BACH2: variants seen among roughly 807,000 people sequenced by gnomAD.
BACH2 encodes the protein transcription regulator protein BACH2.
Under a neutral mutation model 61.8 loss-of-function variants are expected in BACH2, and 5 were observed. The ratio of observed to expected loss-of-function variants is 0.08; its 90% CI spans 0.04 to 0.17. The LOEUF (loss-of-function observed/expected upper bound fraction) is 0.17, where lower values mean the gene tolerates loss of function less well. BACH2 is among the 10% of genes least tolerant of loss of function. BACH2 has a pLI of 1.00. For synonymous variants in BACH2, 446 were observed against 440.1 expected (o/e 1.01, Z -0.17); for missense variants, 824 against 1,091.1 (o/e 0.76, Z 3.45).
chr6:90,294,296 T>C (rs540538906), intron 1 of BACH2, among the ~76,000 whole-genome samples: 1 of 152,228 alleles, frequency 6.6e-6, no homozygotes, highest in Admixed American at 6.5e-5. Context: ...AAAACGAAAA[T>C]ACGGCTCTGC....
At chr6:89,941,672 C>T (rs1324696462) in intron 7 of BACH2, among the ~76,000 whole-genome samples, 2 of 152,206 alleles carry the variant, frequency 1.3e-5, no homozygotes, top group Non-Finnish European at 2.9e-5. Flanking sequence ...ACACAGAGGT[C>T]TGTCTGTTGG....
At chr6:89,949,269 G>A (rs1371117091) in intron 7 of BACH2, among the ~76,000 whole-genome samples, 2 of 152,190 alleles carry the variant, frequency 1.3e-5, no homozygotes, top group East Asian at 3.8e-4. Flanking sequence ...GCTCTGAGAA[G>A]GGACTTGTCA....
chr6:89,944,029 C>A (rs1773589666), intron 7 of BACH2, among the ~76,000 whole-genome samples: 1 of 152,234 alleles, frequency 6.6e-6, no homozygotes, highest in Non-Finnish European at 1.5e-5. Flanking sequence ...GACAAAATCT[C>A]CCCTCCCAGG....
At chr6:90,293,604 A>G (rs1460277128) in intron 1 of BACH2, among the ~76,000 whole-genome samples, 1 of 152,196 alleles carries the variant, frequency 6.6e-6, no homozygotes, top group African/African-American at 2.4e-5. Context: ...GAACCTGACC[A>G]TCTGGCCCTC....
chr6:90,082,839 G>A (rs1247304857), intron 5 of BACH2, among the ~76,000 whole-genome samples: 1 of 152,170 alleles, frequency 6.6e-6, no homozygotes, highest in African/African-American at 2.4e-5. Context: ...GACACTTTCT[G>A]TCAAGAAATC....
At chr6:90,025,428 C>A (rs2127786158) in intron 5 of BACH2, among the ~76,000 whole-genome samples, 2 of 152,308 alleles carry the variant, frequency 1.3e-5, no homozygotes, top group East Asian at 3.9e-4. Flanking sequence ...TCTGGTATTA[C>A]TTCTTTGTGT....
chr6:90,290,968 A>G (rs1772159158), intron 1 of BACH2, among the ~76,000 whole-genome samples: 1 of 152,232 alleles, frequency 6.6e-6, no homozygotes, highest in African/African-American at 2.4e-5. Context: ...AAAGGAGCCA[A>G]TGAAAGCTGA....
At chr6:90,134,438 A>G (rs1328027896) in intron 4 of BACH2, among the ~76,000 whole-genome samples, 1 of 152,194 alleles carries the variant, frequency 6.6e-6, no homozygotes, top group Non-Finnish European at 1.5e-5. Flanking sequence ...GAAGGCTGAC[A>G]TTTTACAAGA....
chr6:90,205,232 C>T (rs1427805801), intron 4 of BACH2, among the ~76,000 whole-genome samples: 1 of 152,180 alleles, frequency 6.6e-6, no homozygotes, highest in African/African-American at 2.4e-5. Flanking sequence ...CTTTTCACAA[C>T]CAAACCATCG....
intron 5 of BACH2, among the ~76,000 whole-genome samples, chr6:90,024,368 T>C (rs1187065300): frequency 1.3e-5 from 2 of 152,188 alleles, no homozygotes; most frequent in Admixed American, 6.5e-5. Flanking sequence ...TTGTACGTTT[T>C]CAGTAATAAT....
chr6:90,295,950 A>T (rs543575858), intron 1 of BACH2, among the ~76,000 whole-genome samples: 1 of 152,018 alleles, frequency 6.6e-6, no homozygotes, highest in Non-Finnish European at 1.5e-5. Flanking sequence ...GCCGCGGCCA[A>T]GGTCCTCGCG....
Position 89,930,228 on chromosome 6 carries a change from C to CTTTTT in BACH2, c.*2175_*2179dup, listed in dbSNP as rs397885211. ...AGTGGAACTGTTTAAAAAGAAAAGC[C>CTTTTT]TTTTTTTTTTTTTTTTTTTTTTTTT... On this transcript the variant is annotated 3_prime_UTR_variant, in exon 9 of 9. Coordinates refer to ENST00000257749, the MANE Select transcript of BACH2 (RefSeq NM_021813.4). 1.5e-4 allele frequency: 8 copies of CTTTTT among 53,426 alleles called. 1 individual carries two copies. Among genetic ancestry groups the CTTTTT allele is most frequent in the African/African-American group, 1.5e-4 (2 of 13,652 alleles). The allele number at this position is 53,426 out of a possible 1,614,324, so 3.3% of individuals were successfully genotyped here.
At chr6:90,012,841 T>C (rs1777801096) in intron 5 of BACH2, among the ~76,000 whole-genome samples, 1 of 151,914 alleles carries the variant, frequency 6.6e-6, no homozygotes, top group Non-Finnish European at 1.5e-5. Flanking sequence ...TCAATTTTTG[T>C]ATTTTTAGTA....
At chr6:90,117,103 A>C (rs189864811) in intron 4 of BACH2, 1 of 280,014 alleles carries the variant, frequency 3.6e-6, no homozygotes, top group East Asian at 8.2e-5. Flanking sequence ...TCTCTGGCCA[A>C]CTTCTCAAGG....
chr6:90,244,951 T>C (rs1770583740), intron 3 of BACH2, among the ~76,000 whole-genome samples: 1 of 152,214 alleles, frequency 6.6e-6, no homozygotes, highest in Non-Finnish European at 1.5e-5. Context: ...CCCAGCACTT[T>C]GGGAGGCCAA....
chr6:90,013,901 C>A (rs1777871222), intron 5 of BACH2, among the ~76,000 whole-genome samples: 1 of 152,062 alleles, frequency 6.6e-6, no homozygotes, highest in South Asian at 2.1e-4. Flanking sequence ...GCCTCTGCCT[C>A]CTGAGTAGCT....
intron 1 of BACH2, among the ~76,000 whole-genome samples, chr6:90,288,276 A>G (rs1772079975): frequency 6.6e-6 from 1 of 152,096 alleles, no homozygotes; most frequent in South Asian, 2.1e-4. Flanking sequence ...TTTAAGCTCA[A>G]CATTGTTTGC....
chr6:90,238,054 T>C (rs1770316992), intron 3 of BACH2, among the ~76,000 whole-genome samples: 1 of 152,376 alleles, frequency 6.6e-6, no homozygotes, highest in African/African-American at 2.4e-5. Context: ...ATTACTAACC[T>C]GGCTTTATTA....
At chr6:90,057,823 C>T (rs1276689884) in intron 5 of BACH2, among the ~76,000 whole-genome samples, 4 of 152,168 alleles carry the variant, frequency 2.6e-5, no homozygotes, top group African/African-American at 9.7e-5. Flanking sequence ...GTTCAACATA[C>T]ACAAATCAGT....
Sources: allele counts gnomAD v4.1 joint callset (sites outside exome capture counted in the v4.1 genomes callset), GRCh38; gene constraint gnomAD v4.1.1; transcripts MANE v1.5; gene names NCBI Gene and HGNC (gene_info 2026-07-23, HGNC 2026-07-21).